The following EPHA5 variants were observed in gnomAD, a reference collection of about 807,000 sequenced individuals.
EPHA5 encodes the protein EPH receptor A5, also known as ephrin type-A receptor 5.
A neutral mutation model predicts 105.0 loss-of-function variants in EPHA5; 60 were observed. That is an observed-to-expected ratio of 0.57 (90% CI 0.46 to 0.71). EPHA5 has a LOEUF of 0.71. EPHA5 is among the 30% of genes least tolerant of loss of function. The pLI, the probability that EPHA5 is intolerant of heterozygous loss-of-function variation, is 0.00. For missense variants in EPHA5, 1,218 were observed against 1,274.7 expected, an observed-to-expected ratio of 0.96 and a Z score of 0.68; for synonymous variants, 513 against 449.1, an observed-to-expected ratio of 1.14 and a Z score of -1.80.
intron 16 of EPHA5, among the ~76,000 whole-genome samples, chr4:65,326,409 T>A (rs888042740): frequency 5.3e-5 from 8 of 151,390 alleles, no homozygotes; most frequent in African/African-American, 1.5e-4. Context: ...GAGAATCCTG[T>A]AAATGTAATT....
At chr4:65,594,960 C>T (rs927804789) in intron 3 of EPHA5, among the ~76,000 whole-genome samples, 5 of 151,926 alleles carry the variant, frequency 3.3e-5, no homozygotes, top group Non-Finnish European at 7.4e-5. Context: ...ATCATCAGGT[C>T]TTTTATTTCT....
intron 11 of EPHA5, among the ~76,000 whole-genome samples, chr4:65,364,336 G>C (rs937679598): frequency 2.0e-5 from 3 of 151,582 alleles, no homozygotes; most frequent in Non-Finnish European, 4.4e-5. Flanking sequence ...GAAGGCCTCA[G>C]CTATGTGCCA....
intron 5 of EPHA5, among the ~76,000 whole-genome samples, chr4:65,458,569 C>T (rs973614489): frequency 6.6e-6 from 1 of 152,070 alleles, no homozygotes; most frequent in African/African-American, 2.4e-5. Flanking sequence ...TTAATGTTCA[C>T]ATTAATTTAT....
chr4:65,640,821 C>T (rs560165602), intron 2 of EPHA5, among the ~76,000 whole-genome samples: 1 of 152,250 alleles, frequency 6.6e-6, no homozygotes, highest in African/African-American at 2.4e-5. Flanking sequence ...CATCCTTGGG[C>T]ATGTACACAG....
At chr4:65,410,595 A>C (rs1474808432) in intron 7 of EPHA5, among the ~76,000 whole-genome samples, 1 of 152,196 alleles carries the variant, frequency 6.6e-6, no homozygotes, top group Non-Finnish European at 1.5e-5. Flanking sequence ...AAGGAATACA[A>C]GAAAACAGGA....
chr4:65,605,401 G>A (rs139537799), intron 2 of EPHA5, among the ~76,000 whole-genome samples: 73 of 152,230 alleles, frequency 4.8e-4, no homozygotes, highest in African/African-American at 1.6e-3. Flanking sequence ...GGTATCAAGC[G>A]CCTGCTGTTT....
intron 14 of EPHA5, among the ~76,000 whole-genome samples, chr4:65,337,831 T>C (rs1721330256): frequency 6.6e-6 from 1 of 151,964 alleles, no homozygotes; most frequent in South Asian, 2.1e-4. Flanking sequence ...ATAAAAATTA[T>C]TAGAAATACC....
At chr4:65,634,094 G>T (rs1425848717) in intron 2 of EPHA5, among the ~76,000 whole-genome samples, 1 of 151,878 alleles carries the variant, frequency 6.6e-6, no homozygotes, top group Non-Finnish European at 1.5e-5. Context: ...AAATCTAAAG[G>T]GTAGGACATT....
chr4:65,328,742 C>T (rs1366504899), intron 16 of EPHA5, among the ~76,000 whole-genome samples: 2 of 150,826 alleles, frequency 1.3e-5, no homozygotes, highest in African/African-American at 2.4e-5. Context: ...AGAGATTTAA[C>T]CATGGTCTGT....
Position 65,420,569 on chromosome 4 carries a change from C to T in EPHA5, c.1403-4G>A, listed in dbSNP as rs766129419. 1 of 1,611,108 alleles carries T rather than the reference C, an allele frequency of 6.2e-7. No individual in the cohort carries two copies. The highest frequency in any genetic ancestry group is 1.3e-5 in the African/African-American group (1 of 74,668). ...ACATTGGTGACTGGAGATGGAGCTG[C>T]AAAATAGTTTAAATAAGGAGCAGTA... On this transcript the variant is annotated splice_polypyrimidine_tract_variant and splice_region_variant and intron_variant, in intron 5 of 16. Transcript: ENST00000613740.
At chr4:65,386,646 A>C (rs1720118986) in intron 8 of EPHA5, among the ~76,000 whole-genome samples, 1 of 151,972 alleles carries the variant, frequency 6.6e-6, no homozygotes. Context: ...AACAGACACT[A>C]AATTTTTGCT....
chr4:65,424,604 T>C (rs1486196704), intron 5 of EPHA5, among the ~76,000 whole-genome samples: 1 of 152,060 alleles, frequency 6.6e-6, no homozygotes, highest in African/African-American at 2.4e-5. Flanking sequence ...TTTTCAATGA[T>C]GAATTTTCCA....
chr4:65,383,633 G>A (rs539444557), intron 8 of EPHA5, among the ~76,000 whole-genome samples: 116 of 151,950 alleles, frequency 7.6e-4, no homozygotes, highest in Non-Finnish European at 1.4e-3. Context: ...ACTCTAGAGC[G>A]CATATCCTAT....
intron 8 of EPHA5, among the ~76,000 whole-genome samples, chr4:65,392,133 C>T (rs912741980): frequency 3.3e-5 from 5 of 152,272 alleles, no homozygotes; most frequent in African/African-American, 1.2e-4. Flanking sequence ...TGGCATCACT[C>T]TGCCCTAATC....
At chr4:65,360,996 TTAGA>T (rs1218227610) in intron 11 of EPHA5, among the ~76,000 whole-genome samples, 1 of 151,636 alleles carries the variant, frequency 6.6e-6, no homozygotes, top group Non-Finnish European at 1.5e-5. Context: ...CCACTGGTAT[TTAGA>T]CAATTACTTC....
At chr4:65,636,981 A>C (rs981753464) in intron 2 of EPHA5, among the ~76,000 whole-genome samples, 4 of 152,060 alleles carry the variant, frequency 2.6e-5, no homozygotes, top group Admixed American at 1.3e-4. Flanking sequence ...ATTTGCATAA[A>C]ATTTGCTGTA....
intron 3 of EPHA5, among the ~76,000 whole-genome samples, chr4:65,579,737 G>A (rs1741431133): frequency 6.6e-6 from 1 of 151,840 alleles, no homozygotes; most frequent in African/African-American, 2.4e-5. Context: ...CAATCACATG[G>A]CAATCAAGAC....
At chr4:65,565,647 A>G (rs943706150) in intron 3 of EPHA5, among the ~76,000 whole-genome samples, 19 of 151,602 alleles carry the variant, frequency 1.3e-4, no homozygotes, top group Non-Finnish European at 5.9e-5. Context: ...GAAAATTTGA[A>G]TATGTGCAAG....
In EPHA5 at chr4:65,650,326, T is replaced by C. The variant is rs570282782; in HGVS notation, c.182-6899A>G. Among the ~76,000 whole-genome samples the C allele has an allele frequency of 6.7e-5, 10 of 149,422 alleles. No individual in the cohort carries two copies. The East Asian group carries it at 2.0e-3, about 30-fold the overall frequency. ...ACTTTGGGAGGCCGAGGCGGGCAGA[T>C]CACGAGGTCAGGAGATGGAGACCAT... On this transcript the variant is annotated intron_variant, in intron 1 of 16. Transcript: ENST00000613740.
Sources: allele counts gnomAD v4.1 joint callset (sites outside exome capture counted in the v4.1 genomes callset), GRCh38; gene constraint gnomAD v4.1.1; transcripts MANE v1.5; gene names NCBI Gene and HGNC (gene_info 2026-07-23, HGNC 2026-07-21).